The following GSE1 variants were observed in gnomAD, a reference collection of about 807,000 sequenced individuals.
The protein encoded by GSE1 is genetic suppressor element 1.
In GSE1, 32 loss-of-function variants were observed where a neutral mutation model predicts 112.6. That is an observed-to-expected ratio of 0.28 (90% CI 0.21 to 0.38). The LOEUF (loss-of-function observed/expected upper bound fraction) is 0.38. GSE1 is among the 10% of genes least tolerant of loss of function. GSE1 has a pLI of 1.00. For missense variants in GSE1, 2,348 were observed against 1,699.2 expected, an observed-to-expected ratio of 1.38 and a Z score of -6.71; for synonymous variants, 1,115 against 735.6, an observed-to-expected ratio of 1.52 and a Z score of -8.35.
At chr16:85,276,331 G>T (rs773261324) in intron 1 of GSE1, among the ~76,000 whole-genome samples, 3 of 67,884 alleles carry the variant, frequency 4.4e-5, no homozygotes, top group African/African-American at 8.7e-5. Context: ...GAGGTAGGAG[G>T]ACTTCAGGAA....
chr16:85,463,161 G>C, intron 2 of GSE1: 1 of 971,528 alleles, frequency 1.0e-6, no homozygotes, highest in Non-Finnish European at 1.2e-6. Flanking sequence ...GGACGGGAGG[G>C]TGGGGGGTCC....
At chr16:85,514,428 C>T (rs1445818083) in intron 2 of GSE1, among the ~76,000 whole-genome samples, 3 of 75,718 alleles carry the variant, frequency 4.0e-5, no homozygotes, top group African/African-American at 6.4e-5. Flanking sequence ...CTCTCGAGTC[C>T]CCCCCCCCAC....
At chr16:85,473,243 G>C (rs1392866989) in intron 2 of GSE1, among the ~76,000 whole-genome samples, 1 of 152,238 alleles carries the variant, frequency 6.6e-6, no homozygotes, top group Non-Finnish European at 1.5e-5. Context: ...GGCCTGGGGA[G>C]CTTGTTTCAG....
At chr16:85,258,959 C>T (rs907846718) in intron 1 of GSE1, among the ~76,000 whole-genome samples, 2 of 152,224 alleles carry the variant, frequency 1.3e-5, no homozygotes, top group East Asian at 1.9e-4. Context: ...GCTCCCCCTT[C>T]TTCTCTGGGG....
intron 1 of GSE1, among the ~76,000 whole-genome samples, chr16:85,189,723 T>G (rs1369609978): frequency 1.3e-5 from 2 of 152,256 alleles, no homozygotes; most frequent in East Asian, 1.9e-4. Flanking sequence ...TGAGGTTTAT[T>G]TCTTCTTAAG....
intron 1 of GSE1, among the ~76,000 whole-genome samples, chr16:85,314,441 A>G (rs915227863): frequency 6.6e-6 from 1 of 152,142 alleles, no homozygotes; most frequent in Non-Finnish European, 1.5e-5. Context: ...GGACAGATGA[A>G]GGGATGTGAG....
In GSE1 at chr16:85,422,432, G is replaced by A. The variant is rs546492257; in HGVS notation, c.2464+64789G>A. Among the ~76,000 whole-genome samples the A allele has an allele frequency of 1.3e-3, 195 of 152,278 alleles. 2 individuals are homozygous for A. The highest frequency in any genetic ancestry group is 4.4e-3 in the African/African-American group (184 of 41,564). On this transcript the variant is annotated intron_variant, in intron 2 of 2. Transcript: ENST00000637419. Reference sequence around the variant, plus strand: ...TGTCGGTTCCTCCCCCGGAGGCCTGGTGGATGGGAGAAGCCTGGGGCCCAC... The same window carrying A: ...TGTCGGTTCCTCCCCCGGAGGCCTGATGGATGGGAGAAGCCTGGGGCCCAC...
chr16:85,491,649 C>A (rs2051014262), intron 2 of GSE1, among the ~76,000 whole-genome samples: 1 of 152,032 alleles, frequency 6.6e-6, no homozygotes. Context: ...AGGAGTCAGA[C>A]ATGATGGTGG....
chr16:85,604,313 T>C (rs2047590799), intron 1 of GSE1, among the ~76,000 whole-genome samples: 1 of 152,240 alleles, frequency 6.6e-6, no homozygotes, highest in Non-Finnish European at 1.5e-5. Flanking sequence ...AAGGTTCATC[T>C]GTGTTGTAGC....
chr16:85,261,639 A>G lies in GSE1; in HGVS notation c.2283+89832A>G, dbSNP rs147334127. 8.8e-3 allele frequency among the ~76,000 whole-genome samples: 1,344 copies of G among 152,204 alleles called. 16 individuals are homozygous for G. The highest frequency in any genetic ancestry group is 9.8e-3 in the Non-Finnish European group (664 of 68,028). ...GCCAGCAGGAGAGGGCTGGGCATTG[A>G]TGGGTTCCCGACCATCTTGAGGCCA... On this transcript the variant is annotated intron_variant, in intron 1 of 2. Coordinates refer to the GSE1 transcript ENST00000637419.
intron 1 of GSE1, among the ~76,000 whole-genome samples, chr16:85,597,373 C>CAAAAAAAA (rs1165062872): frequency 1.6e-4 from 5 of 31,844 alleles, no homozygotes; most frequent in African/African-American, 5.4e-4. Context: ...GACTCTGTCT[C>CAAAAAAAA]AAAAAAAAAA....
At chr16:85,512,293 T>C (rs2051773448) in intron 2 of GSE1, among the ~76,000 whole-genome samples, 1 of 152,088 alleles carries the variant, frequency 6.6e-6, no homozygotes, top group African/African-American at 2.4e-5. Context: ...CAGGTGGCTG[T>C]GAAGCAGTTA....
intron 1 of GSE1, among the ~76,000 whole-genome samples, chr16:85,185,751 G>A (rs1042221165): frequency 2.6e-5 from 4 of 152,212 alleles, no homozygotes; most frequent in South Asian, 2.1e-4. Context: ...CTTCGCCCTC[G>A]CCAGGCTGTG....
At chr16:85,555,921 C>T (rs1402433061), upstream of GSE1, 2 of 962,460 alleles carry the variant, frequency 2.1e-6, no homozygotes, top group African/African-American at 1.8e-5. Context: ...CGCTCCTCTT[C>T]CCCGCCTGCT....
chr16:85,218,631 T>C (rs1567617275), intron 1 of GSE1, among the ~76,000 whole-genome samples: 1 of 152,252 alleles, frequency 6.6e-6, no homozygotes, highest in East Asian at 1.9e-4. Context: ...CCAAATCATA[T>C]GGAAAATGGG....
chr16:85,391,028 C>A (rs551765883), intron 2 of GSE1, among the ~76,000 whole-genome samples: 1 of 151,890 alleles, frequency 6.6e-6, no homozygotes, highest in Non-Finnish European at 1.5e-5. Flanking sequence ...CAGGACAAGG[C>A]GCCAGCCTCC....
At position 85,367,305 on chromosome 16, in the gene GSE1, CG is replaced by C. The variant is rs562530680; in HGVS notation, c.2464+9663del. Among the ~76,000 whole-genome samples, 41 of 152,298 alleles carry C rather than the reference CG, an allele frequency of 2.7e-4. No homozygotes were observed. In the South Asian group the frequency reaches 8.3e-3, roughly 31 times the overall value. ...ACCGAGCTCTGATTGTCTGCCGGCA[CG>C]TCTGTCTCTGCCGCTACAATGCCGT... is the stretch of plus-strand genomic sequence containing the variant. On this transcript the variant is annotated intron_variant, in intron 2 of 2. Transcript: ENST00000637419.
chr16:85,651,043 TCCGCCCC>T (rs2051299350), intron 3 of GSE1, among the ~76,000 whole-genome samples: 1 of 40,314 alleles, frequency 2.5e-5, no homozygotes, highest in Non-Finnish European at 5.1e-5. Context: ...CCCCTCCCCC[TCCGCCCC>T]TCCTCCCCCT....
intron 2 of GSE1, among the ~76,000 whole-genome samples, chr16:85,451,776 C>T (rs112881220): frequency 7.3e-6 from 1 of 136,752 alleles, no homozygotes; most frequent in African/African-American, 2.8e-5. Flanking sequence ...TTGGTGCGTG[C>T]GCTGGTGGTG....
Sources: gnomAD v4.1 joint callset for allele counts (sites outside exome capture counted in the v4.1 genomes callset) on GRCh38, gnomAD v4.1.1 for gene constraint, MANE v1.5 for transcripts, NCBI Gene and HGNC (gene_info 2026-07-23, HGNC 2026-07-21) for gene names.